RFX3: variants seen among roughly 807,000 people sequenced by gnomAD.
RFX3 encodes transcription factor RFX3.
In RFX3, 14 loss-of-function variants were observed where a neutral mutation model predicts 98.6. The observed-to-expected ratio is 0.14, with a 90% CI of 0.09 to 0.22. The LOEUF (loss-of-function observed/expected upper bound fraction) is 0.22. Among genes scored for constraint, RFX3 ranks in the 10% least tolerant of loss-of-function variants. RFX3 has a pLI of 1.00. For missense variants in RFX3, 639 were observed against 926.9 expected, an observed-to-expected ratio of 0.69 and a Z score of 4.03; for synonymous variants, 383 against 328.4, an observed-to-expected ratio of 1.17 and a Z score of -1.80.
At chr9:3,356,925 G>C (rs971350738) in intron 2 of RFX3, among the ~76,000 whole-genome samples, 4 of 147,544 alleles carry the variant, frequency 2.7e-5, no homozygotes, top group Non-Finnish European at 4.5e-5. Context: ...AAAACTCAAC[G>C]TCCATTCATG....
At chr9:3,512,204 A>G (rs57838553) in intron 1 of RFX3, among the ~76,000 whole-genome samples, 160 of 152,188 alleles carry the variant, frequency 1.1e-3, no homozygotes, top group African/African-American at 3.5e-3. Flanking sequence ...ATCTGTTGTT[A>G]GCATAAGATT....
intron 1 of RFX3, among the ~76,000 whole-genome samples, chr9:3,513,215 G>C (rs866829742): frequency 5.9e-4 from 89 of 152,064 alleles, no homozygotes; most frequent in African/African-American, 2.0e-3. Flanking sequence ...AATTATCTTA[G>C]GTCTCTGCTA....
rs144059445 is a variant in RFX3, at chr9:3,382,468, C to T, written c.117+13004G>A. 5.3e-3 allele frequency among the ~76,000 whole-genome samples: 801 copies of T among 152,196 alleles called. 9 individuals are homozygous for T. The highest frequency in any genetic ancestry group is 8.3e-3 in the Admixed American group (127 of 15,276). On this transcript the variant is annotated intron_variant, in intron 2 of 16. Coordinates refer to ENST00000617270, the MANE Select transcript of RFX3 (RefSeq NM_001282116.2). The stretch of plus-strand genomic sequence containing the variant: ...AGAGATTGGGGTGGAAACTGAGGGC[C>T]TTCAGTCTACTAGGATATATATCCT...
chr9:3,266,265 A>G lies in RFX3; in HGVS notation c.1398T>C (p.Leu466=), dbSNP rs1254960261. 3 of 1,611,760 alleles carry G rather than the reference A, an allele frequency of 1.9e-6. No homozygotes were observed. The highest frequency in any genetic ancestry group is 2.5e-6 in the Non-Finnish European group (3 of 1,178,556). The stretch of plus-strand genomic sequence containing the variant: ...TCATGGCATTGGAAAGCCAACCTTC[A>G]AGGCTTTTTGCAAAATTTCGAATGG... ...TQAIRNFAKS[L]EGWLSNAMNN... is the part of the protein sequence containing the mutation. The change falls in exon 12 of 17, where the codon CTT becomes CTC. Residue 466 remains leucine, a synonymous_variant. Coordinates refer to ENST00000617270, the MANE Select transcript of RFX3 (RefSeq NM_001282116.2).
chr9:3,261,756 T>A (rs1822924832), intron 13 of RFX3, among the ~76,000 whole-genome samples: 1 of 152,154 alleles, frequency 6.6e-6, no homozygotes, highest in South Asian at 2.1e-4. Flanking sequence ...CATTTTATAT[T>A]CTGACCAGCA....
At chr9:3,395,684 A>T in intron 1 of RFX3, 88 bp from the exon 2 acceptor site, 1 of 1,405,698 alleles carries the variant, frequency 7.1e-7, no homozygotes, top group Non-Finnish European at 9.8e-7. Flanking sequence ...TCCTATACTG[A>T]AACTAACTTT....
chr9:3,391,188 A>G (rs904772060), intron 2 of RFX3, among the ~76,000 whole-genome samples: 1 of 152,192 alleles, frequency 6.6e-6, no homozygotes, highest in East Asian at 1.9e-4. Context: ...ATAGCAGCAC[A>G]TTAACAATTC....
intron 16 of RFX3, 119 bp from the exon 17 acceptor site, chr9:3,225,399 C>G: frequency 1.1e-5 from 16 of 1,426,910 alleles, no homozygotes; most frequent in Non-Finnish European, 1.5e-5. Context: ...TAGCTCTTCT[C>G]AGGAAACAAA....
At chr9:3,373,732 G>A (rs1482336409) in intron 2 of RFX3, among the ~76,000 whole-genome samples, 1 of 152,080 alleles carries the variant, frequency 6.6e-6, no homozygotes, top group Non-Finnish European at 1.5e-5. Context: ...ATAGGAGGAG[G>A]AGAAGGCGAA....
At chr9:3,464,278 A>C (rs890355927) in intron 1 of RFX3, among the ~76,000 whole-genome samples, 1 of 152,216 alleles carries the variant, frequency 6.6e-6, no homozygotes, top group African/African-American at 2.4e-5. Flanking sequence ...CGCTTTGTAC[A>C]CATTTATCCG....
chr9:3,396,764 T>C (rs993208013), intron 1 of RFX3, among the ~76,000 whole-genome samples: 14 of 152,210 alleles, frequency 9.2e-5, no homozygotes, highest in African/African-American at 3.1e-4. Context: ...CTCATTGTGG[T>C]TTTGATTTGC....
At chr9:3,440,112 T>C (rs1005681803) in intron 1 of RFX3, among the ~76,000 whole-genome samples, 4 of 152,096 alleles carry the variant, frequency 2.6e-5, no homozygotes, top group African/African-American at 9.6e-5. Context: ...TTTTTCCATC[T>C]ATTAAAGAAA....
chr9:3,286,900 C>T (rs898746641), intron 7 of RFX3, among the ~76,000 whole-genome samples: 4 of 151,812 alleles, frequency 2.6e-5, no homozygotes, highest in African/African-American at 7.2e-5. Flanking sequence ...TTTTATGACT[C>T]CTCTAAGTTC....
chr9:3,255,024 C>T (rs959032258), intron 14 of RFX3, among the ~76,000 whole-genome samples: 1 of 152,148 alleles, frequency 6.6e-6, no homozygotes, highest in Non-Finnish European at 1.5e-5. Flanking sequence ...AACAAAACAA[C>T]AGCAAAAAAC....
At chr9:3,273,649 A>G (rs1180442571) in intron 9 of RFX3, among the ~76,000 whole-genome samples, 1 of 152,112 alleles carries the variant, frequency 6.6e-6, no homozygotes, top group African/African-American at 2.4e-5. Context: ...GGATCACTTC[A>G]GGTCAGGAGT....
intron 1 of RFX3, among the ~76,000 whole-genome samples, chr9:3,489,142 A>G (rs989303630): frequency 1.3e-5 from 2 of 152,228 alleles, no homozygotes; most frequent in Non-Finnish European, 2.9e-5. Context: ...TTAATAATAT[A>G]AGCTTCATTT....
rs1491289669 is a variant in RFX3 at position 3,366,715 on chromosome 9, T to TTTCTTTCTTTC, written c.118-19962_118-19952dup. Among the ~76,000 whole-genome samples, 49 of 141,916 alleles carry TTTCTTTCTTTC rather than the reference T, an allele frequency of 3.5e-4. No individual in the cohort carries two copies. The East Asian group carries it at 9.0e-3, about 26-fold the overall frequency. 93.1% of individuals were successfully genotyped at this position (141,916 alleles called of 152,430 possible). A position where few individuals can be genotyped will look rare whatever the true frequency, so the allele number is the denominator to read the frequency against. On this transcript the variant is annotated intron_variant, in intron 2 of 16. Coordinates refer to ENST00000617270, the MANE Select transcript of RFX3 (RefSeq NM_001282116.2). ...TTTCCTTTCTTTCTTTCTTTCTTTCTTTCTTTCTTTCTTTCTTTCTTTCTT... is the reference window on the plus strand; with the variant it reads ...TTTCCTTTCTTTCTTTCTTTCTTTCTTTCTTTCTTTCTTCTTTCTTTCTTTCTTTCTTTCTT...
intron 4 of RFX3, among the ~76,000 whole-genome samples, chr9:3,318,518 AAAT>A (rs1457745124): frequency 6.6e-6 from 1 of 151,240 alleles, no homozygotes; most frequent in Non-Finnish European, 1.5e-5. Context: ...AATTAAAGTA[AAAT>A]AATAATTAAA....
At chr9:3,423,300 C>T (rs1345992003) in intron 1 of RFX3, among the ~76,000 whole-genome samples, 1 of 152,088 alleles carries the variant, frequency 6.6e-6, no homozygotes, top group African/African-American at 2.4e-5. Flanking sequence ...ATTGATCTAA[C>T]AAAAATGAAG....
Sources: gnomAD v4.1 joint callset for allele counts (sites outside exome capture counted in the v4.1 genomes callset) on GRCh38, gnomAD v4.1.1 for gene constraint, MANE v1.5 for transcripts, NCBI Gene and HGNC (gene_info 2026-07-23, HGNC 2026-07-21) for gene names.